CFAP69: variants seen among roughly 807,000 people sequenced by gnomAD.
CFAP69 encodes cilia and flagella associated protein 69.
In CFAP69, 92 loss-of-function variants were observed where a neutral mutation model predicts 123.0. The observed-to-expected ratio is 0.75, with a 90% CI of 0.63 to 0.89. The LOEUF (loss-of-function observed/expected upper bound fraction) is 0.89, where lower values mean the gene tolerates loss of function less well. Among genes scored for constraint, CFAP69 ranks in the 40% least tolerant of loss-of-function variants. The pLI is 0.00. For synonymous variants in CFAP69, 380 were observed against 364.3 expected, an observed-to-expected ratio of 1.04 and a Z score of -0.49; for missense variants, 1,067 against 1,096.9, an observed-to-expected ratio of 0.97 and a Z score of 0.39.
chr7:90,287,204 G>A (rs1256132989), intron 14 of CFAP69, among the ~76,000 whole-genome samples: 3 of 151,116 alleles, frequency 2.0e-5, no homozygotes, highest in Non-Finnish European at 2.9e-5. Flanking sequence ...GTGTTTATCT[G>A]TTCCCCTATT....
chr7:90,251,670 C>CAA (rs138040431), intron 1 of CFAP69, among the ~76,000 whole-genome samples: 1 of 151,142 alleles, frequency 6.6e-6, no homozygotes, highest in East Asian at 1.9e-4. Flanking sequence ...ATTCCTGAAA[C>CAA]AAAAAAAACC....
At chr7:90,286,527 A>G (rs1790304000) in intron 14 of CFAP69, 128 bp downstream of exon 14, 1 of 937,570 alleles carries the variant, frequency 1.1e-6, no homozygotes, top group Non-Finnish European at 1.6e-6. Context: ...ATTAGAGCAT[A>G]ATTATATAAA....
chr7:90,303,842 G>A (rs1793164928), intron 17 of CFAP69, 127 bp from the exon 18 acceptor site: 3 of 1,293,174 alleles, frequency 2.3e-6, no homozygotes, highest in Non-Finnish European at 3.0e-6. Context: ...CGTGTAATAG[G>A]CACTATTTTT....
intron 6 of CFAP69, 79 bp downstream of exon 6, chr7:90,268,463 A>G (rs1042356460): frequency 6.7e-6 from 7 of 1,050,042 alleles, no homozygotes; most frequent in African/African-American, 1.6e-5. Flanking sequence ...TGAATTTGAC[A>G]GACACAGTGG....
chr7:90,309,320 C>T lies in CFAP69; in HGVS notation c.2608C>T (p.Gln870Ter), dbSNP rs1302102583. The T allele has an allele frequency of 1.9e-6, 3 of 1,589,158 alleles. No homozygotes were observed. Among genetic ancestry groups the T allele is most frequent in the Non-Finnish European group, 2.6e-6 (3 of 1,167,772 alleles). Residue 870 changes from glutamine to a stop codon, truncating the protein, a stop_gained, in exon 22 of 23, where the codon CAA becomes TAA. Transcript: ENST00000389297. LOFTEE classifies it high-confidence loss of function. ...IEASRYHKRP[Q>*]NAIFHQTHIK... is the part of the protein sequence containing the mutation. ...AGCCTCCAGATACCATAAACGACCA[C>T]AAAATGCAATATTTCACCAAACACA...
intron 22 of CFAP69, among the ~76,000 whole-genome samples, chr7:90,309,800 T>A (rs1003509256): frequency 2.7e-4 from 41 of 152,160 alleles, no homozygotes; most frequent in Non-Finnish European, 4.7e-4. Flanking sequence ...GTGCTTCCCC[T>A]TTTCCTGGCG....
At position 90,253,540 on chromosome 7, in the gene CFAP69, G is replaced by A. The variant is rs550983475; in HGVS notation, c.121-1883G>A. 9.9e-5 allele frequency among the ~76,000 whole-genome samples: 15 copies of A among 152,058 alleles called. No homozygotes were observed. In the South Asian group the frequency reaches 1.9e-3, roughly 19 times the overall value. ...CGAGTAGCTGGGATTACAGGTGCCC[G>A]CCATCACACCTGGCTAATGTTTTGT... On this transcript the variant is annotated intron_variant, in intron 1 of 22. Coordinates refer to ENST00000389297, the MANE Select transcript of CFAP69 (RefSeq NM_001039706.3).
In CFAP69 at chr7:90,307,124, G is replaced by C. The variant is rs368555470; in HGVS notation, c.2463+26G>C. Reference sequence around the variant, plus strand: ...GTAAGCTACATAGGTAGTGAGGAGGGAGAATGAAGATAGGTTGGTTAATGG... The same window carrying C: ...GTAAGCTACATAGGTAGTGAGGAGGCAGAATGAAGATAGGTTGGTTAATGG... On this transcript the variant is annotated intron_variant, in intron 20 of 22. Transcript: ENST00000389297. The C allele has an allele frequency of 2.8e-4, 447 of 1,581,340 alleles. 4 individuals carry two copies. The South Asian group carries it at 4.8e-3, about 17-fold the overall frequency.
the CFAP69 span, chr7:90,322,252 A>C: frequency 6.6e-6 from 1 of 152,192 alleles, no homozygotes; most frequent in African/African-American, 2.4e-5. Context: ...ACAAAACAGA[A>C]CTGAGAAAAG....
At chr7:90,314,236 A>G (rs984842710), downstream of CFAP69, among the ~76,000 whole-genome samples, 1 of 152,176 alleles carries the variant, frequency 6.6e-6, no homozygotes, top group Admixed American at 6.5e-5. Context: ...GGGAAAAACT[A>G]CTGAAATCTG....
chr7:90,323,327 G>T, the CFAP69 span, among the ~76,000 whole-genome samples: 64 of 152,226 alleles, frequency 4.2e-4, no homozygotes, highest in Non-Finnish European at 8.2e-4. Flanking sequence ...CCAGGGAAAA[G>T]GCGGATGGAG....
chr7:90,249,092 C>T (rs1796663352), intron 1 of CFAP69, among the ~76,000 whole-genome samples: 1 of 152,140 alleles, frequency 6.6e-6, no homozygotes, highest in African/African-American at 2.4e-5. Flanking sequence ...TTTGTGTCCC[C>T]ACCCAAATCT....
intron 18 of CFAP69, chr7:90,304,395 T>C: frequency 8.3e-7 from 1 of 1,208,848 alleles, no homozygotes; most frequent in Non-Finnish European, 1.0e-6. Flanking sequence ...ACTGACATTC[T>C]GAGTCACTTG....
chr7:90,300,264 T>G (rs1436009472), intron 17 of CFAP69: 11 of 1,009,190 alleles, frequency 1.1e-5, no homozygotes, highest in Non-Finnish European at 1.3e-5. Flanking sequence ...TTAGAGAATA[T>G]TTTTAAGAAA....
intron 9 of CFAP69, 121 bp downstream of exon 9, chr7:90,274,231 A>G: frequency 8.4e-7 from 1 of 1,194,038 alleles, no homozygotes; most frequent in South Asian, 1.5e-5. Context: ...ATGCTGTAAT[A>G]TCTTGATGGT....
intron 1 of CFAP69, among the ~76,000 whole-genome samples, chr7:90,252,846 G>A (rs1456919234): frequency 2.6e-5 from 4 of 151,984 alleles, no homozygotes; most frequent in African/African-American, 9.7e-5. Context: ...CAGAATATAT[G>A]AATTTGTAAT....
At chr7:90,254,950 T>C (rs1465796998) in intron 1 of CFAP69, among the ~76,000 whole-genome samples, 1 of 152,022 alleles carries the variant, frequency 6.6e-6, no homozygotes, top group Non-Finnish European at 1.5e-5. Flanking sequence ...AGATGTAAAA[T>C]CTGTAGAACT....
intron 18 of CFAP69, 69 bp from the exon 19 acceptor site, chr7:90,304,675 A>C: frequency 6.5e-7 from 1 of 1,530,304 alleles, no homozygotes; most frequent in Non-Finnish European, 8.8e-7. Context: ...AGATAGATAG[A>C]TAGATAGATA....
At chr7:90,301,953 A>G (rs1172113203) in intron 17 of CFAP69, 1 of 152,182 alleles carries the variant, frequency 6.6e-6, no homozygotes, top group Non-Finnish European at 1.5e-5. Flanking sequence ...ACAGTGTATA[A>G]GCATCCCCTT....
Sources: allele counts gnomAD v4.1 joint callset (sites outside exome capture counted in the v4.1 genomes callset), GRCh38; gene constraint gnomAD v4.1.1; transcripts MANE v1.5; gene names NCBI Gene and HGNC (gene_info 2026-07-23, HGNC 2026-07-21).